Variants in CNTNAP2 observed in about 807,000 individuals in gnomAD.
CNTNAP2 encodes the protein contactin-associated protein-like 2.
Under a neutral mutation model 155.2 loss-of-function variants are expected in CNTNAP2, and 98 were observed. The observed-to-expected ratio is 0.63, with a 90% CI of 0.54 to 0.75. The LOEUF is 0.75. Among genes scored for constraint, CNTNAP2 ranks in the 30% least tolerant of loss-of-function variants. The pLI, the probability that CNTNAP2 is intolerant of heterozygous loss-of-function variation, is 0.00. For synonymous variants in CNTNAP2, 651 were observed against 631.2 expected (o/e 1.03, Z -0.47); for missense variants, 1,727 against 1,688.1 (o/e 1.02, Z -0.40).
chr7:147,029,065 G>A (rs956460193), intron 3 of CNTNAP2, among the ~76,000 whole-genome samples: 3 of 145,758 alleles, frequency 2.1e-5, no homozygotes, highest in South Asian at 2.2e-4. Flanking sequence ...TCGGGTTCAC[G>A]CCATTCTCCC....
At chr7:148,032,603 C>T (rs1802498329) in intron 15 of CNTNAP2, among the ~76,000 whole-genome samples, 1 of 152,190 alleles carries the variant, frequency 6.6e-6, no homozygotes, top group Non-Finnish European at 1.5e-5. Context: ...AAGGTCCCAA[C>T]ATGACACCTT....
chr7:146,762,175 T>G (rs772492515), intron 1 of CNTNAP2, among the ~76,000 whole-genome samples: 7 of 152,172 alleles, frequency 4.6e-5, no homozygotes, highest in Non-Finnish European at 8.8e-5. Context: ...GAAATTTTAA[T>G]AGAATCATGT....
chr7:147,135,634 T>C (rs1801462981), intron 8 of CNTNAP2, among the ~76,000 whole-genome samples: 1 of 151,748 alleles, frequency 6.6e-6, no homozygotes, highest in African/African-American at 2.4e-5. Context: ...ACCATGTTTT[T>C]CAAATAATTT....
At chr7:147,308,360 AG>A (rs2116788933) in intron 9 of CNTNAP2, among the ~76,000 whole-genome samples, 1 of 152,260 alleles carries the variant, frequency 6.6e-6, no homozygotes, top group South Asian at 2.1e-4. Flanking sequence ...TTTTGGTAAA[AG>A]GCTGTAGTTG....
intron 8 of CNTNAP2, among the ~76,000 whole-genome samples, chr7:147,194,695 A>G (rs1157999194): frequency 1.3e-5 from 2 of 151,956 alleles, no homozygotes; most frequent in Non-Finnish European, 2.9e-5. Context: ...GCTTTTTTTC[A>G]TATGTTTGTT....
At chr7:147,434,036 G>A (rs541520988) in intron 10 of CNTNAP2, among the ~76,000 whole-genome samples, 1 of 151,828 alleles carries the variant, frequency 6.6e-6, no homozygotes, top group South Asian at 2.1e-4. Context: ...AGCTTAATAG[G>A]AAAAAAAATG....
At chr7:146,567,737 G>T (rs6973174) in intron 1 of CNTNAP2, among the ~76,000 whole-genome samples, 65,878 of 151,174 alleles carry the variant, frequency 0.44, 15,733 homozygotes, top group African/African-American at 0.64. Flanking sequence ...AACTTTTTTT[G>T]GGGGACGGAG....
intron 3 of CNTNAP2, among the ~76,000 whole-genome samples, chr7:146,941,365 C>A (rs1189990479): frequency 4.6e-5 from 7 of 152,222 alleles, no homozygotes; most frequent in Non-Finnish European, 1.0e-4. Flanking sequence ...CACAAAAAAG[C>A]AACTCTACAC....
intron 13 of CNTNAP2, among the ~76,000 whole-genome samples, chr7:147,739,215 A>G (rs1182186258): frequency 6.6e-6 from 1 of 152,014 alleles, no homozygotes; most frequent in African/African-American, 2.4e-5. Flanking sequence ...TGATAGTGAA[A>G]TAAGAAACTG....
At chr7:147,491,509 T>C (rs1307895732) in intron 11 of CNTNAP2, among the ~76,000 whole-genome samples, 1 of 152,226 alleles carries the variant, frequency 6.6e-6, no homozygotes, top group East Asian at 1.9e-4. Flanking sequence ...TTTGCACTTA[T>C]TATTCATAAT....
At chr7:147,115,409 T>C (rs959836674) in intron 5 of CNTNAP2, among the ~76,000 whole-genome samples, 1 of 152,232 alleles carries the variant, frequency 6.6e-6, no homozygotes, top group Non-Finnish European at 1.5e-5. Flanking sequence ...TCCTGAAGTA[T>C]GTTTTCCAAC....
At chr7:146,885,047 A>C (rs1795628720) in intron 3 of CNTNAP2, among the ~76,000 whole-genome samples, 1 of 152,174 alleles carries the variant, frequency 6.6e-6, no homozygotes, top group East Asian at 1.9e-4. Context: ...AGACCCCCAA[A>C]CTAAAAATTT....
intron 12 of CNTNAP2, among the ~76,000 whole-genome samples, chr7:147,580,389 G>C (rs1800475748): frequency 6.6e-6 from 1 of 152,112 alleles, no homozygotes. Flanking sequence ...TGAATTTTGA[G>C]CTGAAGAGAA....
intron 11 of CNTNAP2, among the ~76,000 whole-genome samples, chr7:147,516,095 A>G (rs1490981337): frequency 1.3e-5 from 2 of 152,254 alleles, no homozygotes; most frequent in African/African-American, 4.8e-5. Context: ...TACAAAATCT[A>G]GATGAATTAA....
At chr7:147,707,943 G>A (rs1044622419) in intron 13 of CNTNAP2, among the ~76,000 whole-genome samples, 2 of 152,090 alleles carry the variant, frequency 1.3e-5, no homozygotes, top group African/African-American at 4.8e-5. Flanking sequence ...TGGTCAACTT[G>A]GGTAGGTGGT....
chr7:147,857,882 T>TGTTAAAATA (rs1317609901), intron 13 of CNTNAP2, among the ~76,000 whole-genome samples: 1 of 152,174 alleles, frequency 6.6e-6, no homozygotes, highest in African/African-American at 2.4e-5. Flanking sequence ...ATGTACCTAT[T>TGTTAAAATA]GTTAAAATAG....
chr7:146,501,220 A>C (rs951750665), intron 1 of CNTNAP2, among the ~76,000 whole-genome samples: 1 of 152,138 alleles, frequency 6.6e-6, no homozygotes, highest in Non-Finnish European at 1.5e-5. Flanking sequence ...ATGAAGGTAT[A>C]TAGGACTCAG....
chr7:147,077,227 A>T (rs952670738), intron 4 of CNTNAP2, among the ~76,000 whole-genome samples: 5 of 152,124 alleles, frequency 3.3e-5, no homozygotes, highest in Non-Finnish European at 7.4e-5. Flanking sequence ...TTTATTATTT[A>T]AAAAAATTAA....
intron 2 of CNTNAP2, among the ~76,000 whole-genome samples, chr7:146,817,258 G>C (rs972931450): frequency 3.3e-5 from 5 of 152,012 alleles, no homozygotes; most frequent in African/African-American, 1.2e-4. Context: ...GATCACGTGA[G>C]GCCAGGAGTT....
Sources: allele counts gnomAD v4.1 joint callset (sites outside exome capture counted in the v4.1 genomes callset), GRCh38; gene constraint gnomAD v4.1.1; transcripts MANE v1.5; gene names NCBI Gene and HGNC (gene_info 2026-07-23, HGNC 2026-07-21).